Variants in ATP2B2 observed in about 807,000 individuals in gnomAD.
ATP2B2 encodes ATPase plasma membrane Ca2+ transporting 2, also known as plasma membrane calcium-transporting ATPase 2.
ATP2B2 carries 15 observed loss-of-function variants against 120.0 expected under a neutral mutation model. That is an observed-to-expected ratio of 0.12 (90% CI 0.08 to 0.19). The LOEUF is 0.19. Ranked by LOEUF, ATP2B2 falls within the 10% of genes least tolerant of loss-of-function variation. The pLI is 1.00. For synonymous variants in ATP2B2, 694 were observed against 700.3 expected (o/e 0.99, Z 0.14); for missense variants, 1,045 against 1,719.8 (o/e 0.61, Z 6.94).
intron 1 of ATP2B2, among the ~76,000 whole-genome samples, chr3:10,682,965 T>C (rs753887932): frequency 9.2e-5 from 14 of 152,190 alleles, no homozygotes; most frequent in Non-Finnish European, 1.8e-4. Context: ...GGTAATGTGC[T>C]GTGCCCATGT....
chr3:10,622,144 C>T (rs1434055041), intron 1 of ATP2B2, among the ~76,000 whole-genome samples: 1 of 152,138 alleles, frequency 6.6e-6, no homozygotes, highest in East Asian at 1.9e-4. Flanking sequence ...CTCCCCTGGG[C>T]CCACCTGCTC....
intron 1 of ATP2B2, among the ~76,000 whole-genome samples, chr3:10,654,004 C>T (rs901561620): frequency 6.6e-6 from 1 of 152,300 alleles, no homozygotes; most frequent in South Asian, 2.1e-4. Flanking sequence ...CCTTCCTACA[C>T]AGCATCAACC....
intron 14 of ATP2B2, among the ~76,000 whole-genome samples, chr3:10,354,556 G>A (rs537400953): frequency 7.2e-5 from 11 of 152,222 alleles, no homozygotes; most frequent in East Asian, 1.9e-4. Context: ...CGGATAACCC[G>A]GCAAATCCCA....
At chr3:10,630,721 C>T (rs2069838878) in intron 1 of ATP2B2, among the ~76,000 whole-genome samples, 1 of 152,126 alleles carries the variant, frequency 6.6e-6, no homozygotes, top group African/African-American at 2.4e-5. Context: ...ATTTATACTG[C>T]ACTTAAAACT....
At chr3:10,636,335 G>A (rs1345494792) in intron 1 of ATP2B2, among the ~76,000 whole-genome samples, 1 of 152,168 alleles carries the variant, frequency 6.6e-6, no homozygotes, top group Admixed American at 6.5e-5. Flanking sequence ...CTTGGGACTT[G>A]TCTTGAAAGG....
intron 3 of ATP2B2, among the ~76,000 whole-genome samples, chr3:10,511,457 G>T (rs538230584): frequency 2.1e-4 from 32 of 152,330 alleles, no homozygotes; most frequent in Non-Finnish European, 3.2e-4. Context: ...TTTGTTGAAT[G>T]AAAAAGCAAT....
chr3:10,399,047 A>G (rs1358717158), intron 5 of ATP2B2, among the ~76,000 whole-genome samples: 6 of 152,006 alleles, frequency 3.9e-5, no homozygotes, highest in Admixed American at 3.9e-4. Flanking sequence ...AGTGATTCTG[A>G]ACATTCTCTC....
intron 2 of ATP2B2, among the ~76,000 whole-genome samples, chr3:10,416,768 T>C (rs566865722): frequency 1.8e-4 from 28 of 151,934 alleles, no homozygotes; most frequent in African/African-American, 6.5e-4. Flanking sequence ...CTTTTTCTTT[T>C]TTTTTTTTTT....
intron 1 of ATP2B2, among the ~76,000 whole-genome samples, chr3:10,460,550 G>A (rs916204865): frequency 9.8e-5 from 15 of 152,328 alleles, no homozygotes; most frequent in Admixed American, 7.2e-4. Flanking sequence ...TGTAGGCGCT[G>A]GGGAAGGCAC....
At chr3:10,661,762 G>T (rs907677802) in intron 1 of ATP2B2, among the ~76,000 whole-genome samples, 1 of 152,086 alleles carries the variant, frequency 6.6e-6, no homozygotes, top group African/African-American at 2.4e-5. Context: ...TAAAGTTCAT[G>T]TGGAACCAAA....
intron 3 of ATP2B2, among the ~76,000 whole-genome samples, chr3:10,526,150 CT>C (rs1205778475): frequency 1.3e-5 from 2 of 152,204 alleles, no homozygotes; most frequent in African/African-American, 4.8e-5. Context: ...AGCCTTCCTT[CT>C]CCTTACAGCA....
At chr3:10,644,751 T>C (rs949758536) in intron 1 of ATP2B2, among the ~76,000 whole-genome samples, 1 of 152,112 alleles carries the variant, frequency 6.6e-6, no homozygotes, top group African/African-American at 2.4e-5. Flanking sequence ...GGAGAAGACA[T>C]GGGGATAAAC....
At chr3:10,528,347 A>G (rs1448719654) in intron 3 of ATP2B2, among the ~76,000 whole-genome samples, 1 of 152,152 alleles carries the variant, frequency 6.6e-6, no homozygotes, top group Non-Finnish European at 1.5e-5. Context: ...ACAGCACAGA[A>G]TCTTGCTTCC....
intron 1 of ATP2B2, among the ~76,000 whole-genome samples, chr3:10,672,882 G>A (rs908209690): frequency 6.6e-6 from 1 of 152,144 alleles, no homozygotes; most frequent in African/African-American, 2.4e-5. Context: ...GGGGATCCAC[G>A]CTGACATCCC....
chr3:10,509,563 A>G (rs2066718210), upstream of ATP2B2, among the ~76,000 whole-genome samples: 2 of 152,206 alleles, frequency 1.3e-5, no homozygotes, highest in South Asian at 2.1e-4. Flanking sequence ...AGTGAGGACC[A>G]AAGCAAGATT....
chr3:10,623,744 C>T (rs868354479), intron 1 of ATP2B2, among the ~76,000 whole-genome samples: 9 of 152,238 alleles, frequency 5.9e-5, no homozygotes, highest in Middle Eastern at 6.8e-3. Context: ...CTCCAGGAGC[C>T]CCAGGATTTC....
chr3:10,656,793 G>C (rs2070640648), intron 1 of ATP2B2, among the ~76,000 whole-genome samples: 1 of 152,260 alleles, frequency 6.6e-6, no homozygotes, highest in South Asian at 2.1e-4. Context: ...TCTAAGACAT[G>C]GCATAAACTG....
chr3:10,351,876 C>G (rs151222708), intron 14 of ATP2B2, among the ~76,000 whole-genome samples: 1 of 152,218 alleles, frequency 6.6e-6, no homozygotes, highest in African/African-American at 2.4e-5. Context: ...GAGGCAGAGA[C>G]AGCTCCTCCC....
chr3:10,526,492 C>G (rs2067095639), intron 3 of ATP2B2, among the ~76,000 whole-genome samples: 1 of 152,162 alleles, frequency 6.6e-6, no homozygotes, highest in African/African-American at 2.4e-5. Flanking sequence ...TCCCTGGACA[C>G]AGGGATTGGG....
Sources: gnomAD v4.1 joint callset for allele counts (sites outside exome capture counted in the v4.1 genomes callset) on GRCh38, gnomAD v4.1.1 for gene constraint, MANE v1.5 for transcripts, NCBI Gene and HGNC (gene_info 2026-07-23, HGNC 2026-07-21) for gene names.